IMPG2: variants seen among roughly 807,000 people sequenced by gnomAD.
IMPG2 encodes interphotoreceptor matrix proteoglycan 2, also known as IPM 200.
In IMPG2, 91 loss-of-function variants were observed where a neutral mutation model predicts 129.2. That is an observed-to-expected ratio of 0.70 (90% CI 0.59 to 0.84). The LOEUF (loss-of-function observed/expected upper bound fraction) is 0.84. Among genes scored for constraint, IMPG2 ranks in the 40% least tolerant of loss-of-function variants. The pLI, the probability that IMPG2 is intolerant of heterozygous loss-of-function variation, is 0.00. For missense variants in IMPG2, 1,430 were observed against 1,461.7 expected, an observed-to-expected ratio of 0.98 and a Z score of 0.35; for synonymous variants, 510 against 517.7, an observed-to-expected ratio of 0.99 and a Z score of 0.20.
At chr3:101,318,632 G>A (rs745490561) in intron 2 of IMPG2, among the ~76,000 whole-genome samples, 1 of 151,992 alleles carries the variant, frequency 6.6e-6, no homozygotes, top group Non-Finnish European at 1.5e-5. Context: ...TGGAAAATTC[G>A]GGCTCAATAA....
intron 18 of IMPG2, among the ~76,000 whole-genome samples, chr3:101,228,037 C>T (rs546840064): frequency 6.6e-6 from 1 of 152,324 alleles, no homozygotes; most frequent in East Asian, 1.9e-4. Flanking sequence ...AACACTTCCA[C>T]GAAGGCAACA....
rs1005157520 is a variant in IMPG2, at chr3:101,224,496, G to T, written c.*2473C>A. 1 of 152,226 alleles carries T rather than the reference G, an allele frequency of 6.6e-6. No homozygotes were observed. The allele number at this position is 152,226 out of a possible 1,614,324, so 9.4% of individuals were successfully genotyped here. The stretch of plus-strand genomic sequence containing the variant: ...GAAAATTTCATTCCTCAATTGTGCA[G>T]TGTAAATGACAGTTCAGCCTAAGAC... On this transcript the variant is annotated 3_prime_UTR_variant, in exon 19 of 19. Transcript: ENST00000193391.
intron 6 of IMPG2, among the ~76,000 whole-genome samples, chr3:101,274,387 C>T (rs1451216004): frequency 1.3e-5 from 2 of 151,962 alleles, no homozygotes; most frequent in Non-Finnish European, 2.9e-5. Flanking sequence ...TCCTATGTTG[C>T]TCAGGATAAG....
At chr3:101,256,214 A>AAAGAAAGG (rs1706606563) in intron 10 of IMPG2, among the ~76,000 whole-genome samples, 1 of 150,308 alleles carries the variant, frequency 6.7e-6, no homozygotes, top group South Asian at 2.1e-4. Flanking sequence ...AGAAAGAAAG[A>AAAGAAAGG]AAGAAAAAAA....
Position 101,229,584 on chromosome 3 carries a change from G to A in IMPG2, c.3429C>T (p.Ser1143=), listed in dbSNP as rs1706263305. Residue 1143 remains serine, a synonymous_variant, in exon 17 of 19, where the codon TCC becomes TCT. Coordinates refer to ENST00000193391, the MANE Select transcript of IMPG2 (RefSeq NM_016247.4). Reference sequence around the variant, plus strand: ...ATGAGAGGCTGTCAGGCTGCCTGCTGGAGCCACTAAAAGAAAGATATGATG... The same window carrying A: ...ATGAGAGGCTGTCAGGCTGCCTGCTAGAGCCACTAAAAGAAAGATATGATG... ...RSERESPFSG[S]SRQPDSLSSI... 6.2e-7 allele frequency: 1 copy of A among 1,613,532 alleles called. No homozygotes were observed. The highest frequency in any genetic ancestry group is 8.5e-7 in the Non-Finnish European group (1 of 1,179,834).
At position 101,319,771 on chromosome 3, in the gene IMPG2, C is replaced by A; in HGVS notation, c.147G>T (p.Leu49=). 6.2e-7 allele frequency: 1 copy of A among 1,613,446 alleles called. No homozygotes were observed. Among genetic ancestry groups the A allele is most frequent in the Non-Finnish European group, 8.5e-7 (1 of 1,179,746 alleles). ...QEPKSAVSFL[L]PEESTDLSLA... ...GAGAAAGGTCTGTTGATTCTTCAGG[C>A]AGGAGAAAAGAAACTGCACTCTTGG... The change falls in exon 2 of 19, where the codon CTG becomes CTT. Residue 49 remains leucine, a synonymous_variant. Coordinates refer to ENST00000193391, the MANE Select transcript of IMPG2 (RefSeq NM_016247.4).
chr3:101,259,938 A>G (rs1706652474), intron 9 of IMPG2, among the ~76,000 whole-genome samples: 1 of 152,106 alleles, frequency 6.6e-6, no homozygotes, highest in Admixed American at 6.6e-5. Context: ...ATGCTATAAT[A>G]ATTGATTGGT....
At chr3:101,302,462 G>A (rs1707149279) in intron 3 of IMPG2, among the ~76,000 whole-genome samples, 1 of 152,140 alleles carries the variant, frequency 6.6e-6, no homozygotes, top group South Asian at 2.1e-4. Context: ...TGTAAAATTG[G>A]TAATGATTGA....
At chr3:101,314,563 A>G (rs1426970908) in intron 2 of IMPG2, among the ~76,000 whole-genome samples, 6 of 152,120 alleles carry the variant, frequency 3.9e-5, no homozygotes, top group Admixed American at 6.6e-5. Flanking sequence ...TTCGAAATCC[A>G]GGTTAACTAA....
Position 101,319,712 on chromosome 3 carries a change from C to A in IMPG2, c.206G>T (p.Arg69Ile), listed in dbSNP as rs998270572. ...GATTAACCACTGTCTTTCAGTTTCT[C>A]TGCGGTCCAGAGGCTGTTTCTTTTT... The part of the protein sequence containing the change: ...ATKKKQPLDR[R>I]ETERQWLIRR... Residue 69 changes from arginine to isoleucine, a missense_variant, in exon 2 of 19, where the codon AGA becomes ATA. By Grantham distance (97) the Arg-to-Ile change is moderately conservative (BLOSUM62 -3). Coordinates refer to ENST00000193391, the MANE Select transcript of IMPG2 (RefSeq NM_016247.4). 1.9e-6 allele frequency: 3 copies of A among 1,613,590 alleles called. No homozygotes were observed. The African/African-American group carries it at 4.0e-5, about 22-fold the overall frequency.
At chr3:101,308,902 C>T (rs1279294348) in intron 2 of IMPG2, among the ~76,000 whole-genome samples, 1 of 152,196 alleles carries the variant, frequency 6.6e-6, no homozygotes, top group African/African-American at 2.4e-5. Context: ...ACCCAAGTCA[C>T]CTCTTGAATG....
At chr3:101,308,014 T>C (rs1011561355) in intron 2 of IMPG2, among the ~76,000 whole-genome samples, 2 of 152,096 alleles carry the variant, frequency 1.3e-5, no homozygotes, top group African/African-American at 2.4e-5. Flanking sequence ...ATCTTAAAGC[T>C]CCAAAATGAT....
At chr3:101,259,721 A>G (rs1429689298) in intron 9 of IMPG2, among the ~76,000 whole-genome samples, 12 of 152,092 alleles carry the variant, frequency 7.9e-5, no homozygotes, top group Non-Finnish European at 1.8e-4. Flanking sequence ...GTTACTAGTT[A>G]GTGGAAAGCT....
Position 101,232,913 on chromosome 3 carries a change from G to A in IMPG2, c.3101C>T (p.Ala1034Val). 1 of 1,613,924 alleles carries A rather than the reference G, an allele frequency of 6.2e-7. No individual in the cohort carries two copies. The highest frequency in any genetic ancestry group is 8.5e-7 in the Non-Finnish European group (1 of 1,179,990). ...GTATCCAGGGAAGCATCTGCACTTTGCTTCTCCACTCCAGGGGTTGACCAG... is the reference window on the plus strand; with the variant it reads ...GTATCCAGGGAAGCATCTGCACTTTACTTCTCCACTCCAGGGGTTGACCAG... ...ECLVNPWSGE[A>V]KCRCFPGYLS... The change falls in exon 15 of 19, where the codon GCA (alanine) becomes GTA (valine). Residue 1034 changes from alanine to valine, a missense_variant. By Grantham distance (64) the Ala-to-Val change is moderately conservative. Coordinates refer to ENST00000193391, the MANE Select transcript of IMPG2 (RefSeq NM_016247.4).
At chr3:101,261,101 A>T (rs1262315567) in intron 9 of IMPG2, among the ~76,000 whole-genome samples, 1 of 152,112 alleles carries the variant, frequency 6.6e-6, no homozygotes, top group Non-Finnish European at 1.5e-5. Flanking sequence ...CATTTTAGAG[A>T]CATTGTTTCC....
At position 101,271,630 on chromosome 3, in the gene IMPG2, G is replaced by C. The variant is rs114853228; in HGVS notation, c.828+1951C>G. Among the ~76,000 whole-genome samples, 1,484 of 152,268 alleles carry C rather than the reference G, an allele frequency of 9.7e-3. 26 individuals carry two copies. The highest frequency in any genetic ancestry group is 0.034 in the African/African-American group (1,403 of 41,550). On this transcript the variant is annotated intron_variant, in intron 7 of 18. Coordinates refer to ENST00000193391, the MANE Select transcript of IMPG2 (RefSeq NM_016247.4). ...CTGAATCAGAATGCATTCAATCCCA[G>C]ATCTCTCTAACACTGAAGCCCATAT...
chr3:101,292,022 C>T (rs535881), intron 3 of IMPG2, among the ~76,000 whole-genome samples: 109,212 of 152,008 alleles, frequency 0.72, 40,382 homozygotes, highest in East Asian at 0.84. Flanking sequence ...CAAGTTTCCC[C>T]TAAATTAGGA....
At chr3:101,240,309 G>A (rs1706393380) in intron 14 of IMPG2, among the ~76,000 whole-genome samples, 1 of 151,932 alleles carries the variant, frequency 6.6e-6, no homozygotes, top group South Asian at 2.1e-4. Context: ...TGTAGAGATG[G>A]AGACTCACTA....
intron 3 of IMPG2, among the ~76,000 whole-genome samples, chr3:101,292,660 C>A (rs479522): frequency 6.6e-6 from 1 of 151,952 alleles, no homozygotes. Flanking sequence ...GAATTTGGCC[C>A]CATCAATTGA....
Sources: allele counts gnomAD v4.1 joint callset (sites outside exome capture counted in the v4.1 genomes callset), GRCh38; gene constraint gnomAD v4.1.1; transcripts MANE v1.5; gene names NCBI Gene and HGNC (gene_info 2026-07-23, HGNC 2026-07-21).